Variants in ALG9 observed in about 807,000 individuals in gnomAD.
ALG9 encodes the protein ALG9 alpha-1,2-mannosyltransferase.
ALG9 carries 55 observed loss-of-function variants against 81.8 expected under a neutral mutation model. The ratio of observed to expected loss-of-function variants is 0.67; its 90% confidence interval spans 0.54 to 0.84. The LOEUF (loss-of-function observed/expected upper bound fraction) is 0.84, where lower values mean the gene tolerates loss of function less well. Among genes scored for constraint, ALG9 ranks in the 40% least tolerant of loss-of-function variants. ALG9 has a pLI of 0.00. For synonymous variants in ALG9, 278 were observed against 274.3 expected (o/e 1.01, Z -0.13); for missense variants, 629 against 745.0 (o/e 0.84, Z 1.81).
chr11:111,852,117 T>C (rs1213605142), intron 8 of ALG9, among the ~76,000 whole-genome samples: 4 of 152,210 alleles, frequency 2.6e-5, no homozygotes, highest in East Asian at 3.8e-4. Flanking sequence ...AGGCAAATGA[T>C]GGACATGGCT....
At chr11:111,789,445 GT>G (rs1281375400) in intron 14 of ALG9, among the ~76,000 whole-genome samples, 1 of 151,418 alleles carries the variant, frequency 6.6e-6, no homozygotes, top group Non-Finnish European at 1.5e-5. Context: ...TCATTATGTT[GT>G]CCAGGCTGGC....
chr11:111,835,299 CT>C (rs1555116438), intron 13 of ALG9, among the ~76,000 whole-genome samples: 3 of 152,214 alleles, frequency 2.0e-5, no homozygotes. Context: ...ATCTTTATTA[CT>C]TCTTACCTTT....
chr11:111,811,542 C>CAA lies in ALG9; in HGVS notation c.1603-1771_1603-1770dup, dbSNP rs11305937. Among the ~76,000 whole-genome samples the CAA allele has an allele frequency of 8.4e-3, 749 of 88,982 alleles. 6 individuals carry two copies. The highest frequency in any genetic ancestry group is 0.06 in the Middle Eastern group (9 of 150). The allele number at this position is 88,982 out of a possible 152,430, so 58.4% of individuals were successfully genotyped here. On this transcript the variant is annotated intron_variant, in intron 13 of 14. Transcript: ENST00000616540. ...TGGGCAACAGAGTAAGACTCTGTCT[C>CAA]AAAAAAAAAAAAAAAAAAAGGATAG...
At chr11:111,810,849 T>C (rs1403231991) in intron 13 of ALG9, among the ~76,000 whole-genome samples, 1 of 152,240 alleles carries the variant, frequency 6.6e-6, no homozygotes, top group Non-Finnish European at 1.5e-5. Flanking sequence ...TGTACAGATA[T>C]GCAGCAAATA....
chr11:111,799,026 AG>A (rs1452683853), intron 14 of ALG9, among the ~76,000 whole-genome samples: 25 of 152,368 alleles, frequency 1.6e-4, no homozygotes, highest in Admixed American at 1.6e-3. Context: ...CAATTTCAAC[AG>A]GCTTCTTCAT....
chr11:111,855,844 GAAGA>G (rs1454776699), intron 6 of ALG9, among the ~76,000 whole-genome samples: 18 of 152,226 alleles, frequency 1.2e-4, no homozygotes, highest in African/African-American at 3.9e-4. Context: ...AAATAGAATA[GAAGA>G]AAGGAATGGA....
intron 14 of ALG9, among the ~76,000 whole-genome samples, chr11:111,800,143 A>C (rs1238938721): frequency 4.6e-5 from 7 of 152,126 alleles, no homozygotes; most frequent in Non-Finnish European, 8.8e-5. Flanking sequence ...AAGTTATTCA[A>C]GGGAAAAGCC....
At chr11:111,852,618 G>C (rs1452387588) in intron 8 of ALG9, among the ~76,000 whole-genome samples, 1 of 152,146 alleles carries the variant, frequency 6.6e-6, no homozygotes, top group Non-Finnish European at 1.5e-5. Flanking sequence ...AAGAGAAAAA[G>C]TAACATCAAA....
rs950366036 is a variant in ALG9 at position 111,793,726 on chromosome 11, A to C, written c.1734-7206T>G. Among the ~76,000 whole-genome samples the C allele has an allele frequency of 2.0e-5, 3 of 148,132 alleles. No homozygotes were observed. In the East Asian group the frequency reaches 5.9e-4, roughly 29 times the overall value. On this transcript the variant is annotated intron_variant, in intron 14 of 14. Transcript: ENST00000616540. ...CAGTGAGCCGAGATCGCGCCACTGC[A>C]CTCCAGCCTGGGTGACAGAGTGAGA...
intron 4 of ALG9, among the ~76,000 whole-genome samples, chr11:111,861,246 A>G (rs1021010700): frequency 6.6e-6 from 1 of 152,176 alleles, no homozygotes; most frequent in Non-Finnish European, 1.5e-5. Context: ...CCACAAATTA[A>G]ATGTATTTAG....
intron 5 of ALG9, chr11:111,858,060 C>G (rs776392001): frequency 6.8e-5 from 24 of 354,102 alleles, no homozygotes; most frequent in Non-Finnish European, 1.3e-4. Flanking sequence ...ACTGAGCCTA[C>G]CGAGTAGCTG....
intron 13 of ALG9, among the ~76,000 whole-genome samples, chr11:111,832,561 G>C (rs1196262422): frequency 6.6e-6 from 1 of 152,116 alleles, no homozygotes; most frequent in Non-Finnish European, 1.5e-5. Flanking sequence ...GAGCCATCAT[G>C]CATGGCTAAT....
rs1946143543 is a variant in ALG9 at position 111,783,526 on chromosome 11, T to C, written c.*2871A>G. The C allele has an allele frequency of 6.6e-6, 1 of 152,092 alleles. No homozygotes were observed. Among genetic ancestry groups the C allele is most frequent in the Non-Finnish European group, 1.5e-5 (1 of 68,044 alleles). 9.4% of individuals were successfully genotyped at this position (152,092 alleles called of 1,614,324 possible). On this transcript the variant is annotated 3_prime_UTR_variant, in exon 15 of 15. Coordinates refer to ENST00000616540, the MANE Select transcript of ALG9 (RefSeq NM_024740.2). Reference sequence around the variant, plus strand: ...TCCACAATCTATGGAGAAATAAGTATCTTGCATGCTTCCTCCTTTTGGCAA... The same window carrying C: ...TCCACAATCTATGGAGAAATAAGTACCTTGCATGCTTCCTCCTTTTGGCAA...
At chr11:111,832,560 T>C (rs1394128495) in intron 13 of ALG9, among the ~76,000 whole-genome samples, 2 of 152,226 alleles carry the variant, frequency 1.3e-5, no homozygotes, top group East Asian at 3.9e-4. Context: ...TGAGCCATCA[T>C]GCATGGCTAA....
At chr11:111,802,170 C>G (rs1037935168) in intron 14 of ALG9, among the ~76,000 whole-genome samples, 14 of 152,222 alleles carry the variant, frequency 9.2e-5, no homozygotes, top group African/African-American at 3.4e-4. Flanking sequence ...CACTTCCCTG[C>G]AGAAACCTTC....
At chr11:111,841,894 G>T (rs1424989621) in intron 9 of ALG9, among the ~76,000 whole-genome samples, 3 of 152,048 alleles carry the variant, frequency 2.0e-5, no homozygotes, top group African/African-American at 4.8e-5. Context: ...TAAGGGGGAG[G>T]TTTTTTGTTT....
chr11:111,842,022 T>C (rs1265716663), intron 9 of ALG9, among the ~76,000 whole-genome samples: 2 of 151,922 alleles, frequency 1.3e-5, no homozygotes, highest in Middle Eastern at 3.2e-3. Flanking sequence ...TCAGCCTCCT[T>C]AGTAGCTGGG....
At chr11:111,846,603 A>G (rs1273650006) in intron 8 of ALG9, among the ~76,000 whole-genome samples, 1 of 152,218 alleles carries the variant, frequency 6.6e-6, no homozygotes, top group African/African-American at 2.4e-5. Flanking sequence ...TAGGCTGTGA[A>G]CATTTCATAA....
chr11:111,772,042 T>G, the ALG9 span, among the ~76,000 whole-genome samples: 1 of 152,256 alleles, frequency 6.6e-6, no homozygotes, highest in Non-Finnish European at 1.5e-5. Context: ...CCTACCTCTG[T>G]TCTACAGCTC....
Sources: gnomAD v4.1 joint callset for allele counts (sites outside exome capture counted in the v4.1 genomes callset) on GRCh38, gnomAD v4.1.1 for gene constraint, MANE v1.5 for transcripts, NCBI Gene and HGNC (gene_info 2026-07-23, HGNC 2026-07-21) for gene names.